NEBL: variants seen among roughly 807,000 people sequenced by gnomAD.
NEBL encodes the protein LIM and SH3 protein 2.
In NEBL, 122 loss-of-function variants were observed where a neutral mutation model predicts 140.2. The observed-to-expected ratio is 0.87, with a 90% confidence interval of 0.75 to 1.01. NEBL has a LOEUF of 1.01. NEBL is among the 50% of genes least tolerant of loss of function. The pLI, the probability that NEBL is intolerant of heterozygous loss-of-function variation, is 0.00. For synonymous variants in NEBL, 436 were observed against 398.9 expected (o/e 1.09, Z -1.11); for missense variants, 1,365 against 1,231.3 (o/e 1.11, Z -1.62).
chr10:21,028,250 A>AC (rs1235069660), intron 2 of NEBL, among the ~76,000 whole-genome samples: 33 of 147,048 alleles, frequency 2.2e-4, no homozygotes, highest in African/African-American at 8.0e-4. Context: ...AAAAAAAAAA[A>AC]AAAAAAGAAG....
upstream of NEBL, among the ~76,000 whole-genome samples, chr10:20,900,421 T>C (rs1315069894): frequency 6.6e-6 from 1 of 152,208 alleles, no homozygotes; most frequent in African/African-American, 2.4e-5. Context: ...GGCACACGCC[T>C]GTAATCCCAG....
At chr10:21,280,618 C>CATT (rs1430742355) in intron 1 of NEBL, among the ~76,000 whole-genome samples, 1 of 85,488 alleles carries the variant, frequency 1.2e-5, no homozygotes, top group African/African-American at 5.7e-5. Context: ...TTTTCTTTTT[C>CATT]CTTTTTTTTT....
intron 22 of NEBL, 93 bp downstream of exon 22, chr10:20,815,532 A>T: frequency 9.5e-7 from 1 of 1,049,600 alleles, no homozygotes; most frequent in Non-Finnish European, 1.5e-6. Flanking sequence ...GTTTCTTGAA[A>T]ATAAGTTTTA....
intron 2 of NEBL, among the ~76,000 whole-genome samples, chr10:21,248,846 T>C (rs7083740): frequency 6.6e-6 from 1 of 152,094 alleles, no homozygotes; most frequent in Non-Finnish European, 1.5e-5. Flanking sequence ...GTTTTGTTTT[T>C]TTTTTTGACA....
At chr10:21,284,769 G>A (rs901885822) in intron 1 of NEBL, among the ~76,000 whole-genome samples, 1 of 152,080 alleles carries the variant, frequency 6.6e-6, no homozygotes, top group African/African-American at 2.4e-5. Context: ...CTCAAAGCTG[G>A]ACTAATAAAG....
At chr10:20,861,220 C>T (rs1038806565) in intron 7 of NEBL, among the ~76,000 whole-genome samples, 2 of 152,170 alleles carry the variant, frequency 1.3e-5, no homozygotes, top group Non-Finnish European at 2.9e-5. Context: ...CTCTATCACC[C>T]AGGCTGGAGT....
intron 3 of NEBL, among the ~76,000 whole-genome samples, chr10:20,990,578 G>A (rs1211821051): frequency 6.6e-6 from 1 of 152,126 alleles, no homozygotes; most frequent in African/African-American, 2.4e-5. Context: ...GAGAAATAAA[G>A]GTCTGTTGTT....
At chr10:21,269,364 A>C (rs1842834326) in intron 1 of NEBL, among the ~76,000 whole-genome samples, 1 of 152,238 alleles carries the variant, frequency 6.6e-6, no homozygotes. Flanking sequence ...AGAGAGATGA[A>C]GGCAGATTCG....
At chr10:20,876,729 A>G (rs1254511246) in intron 5 of NEBL, among the ~76,000 whole-genome samples, 13 of 152,204 alleles carry the variant, frequency 8.5e-5, no homozygotes, top group Admixed American at 8.5e-4. Context: ...AAAACTTAAA[A>G]TAGAGTTTAA....
intron 26 of NEBL, among the ~76,000 whole-genome samples, chr10:20,805,632 C>T (rs1837543113): frequency 6.6e-6 from 1 of 152,044 alleles, no homozygotes; most frequent in Admixed American, 6.6e-5. Flanking sequence ...GCAAGTGGAG[C>T]ACTTGAGATC....
intron 2 of NEBL, among the ~76,000 whole-genome samples, chr10:21,140,165 T>C (rs573462084): frequency 3.3e-5 from 5 of 152,012 alleles, no homozygotes; most frequent in African/African-American, 9.6e-5. Flanking sequence ...TGTCTCAAAA[T>C]AAATGTAAAA....
intron 3 of NEBL, among the ~76,000 whole-genome samples, chr10:21,239,348 G>A (rs1175177613): frequency 3.9e-5 from 6 of 151,976 alleles, no homozygotes; most frequent in African/African-American, 7.3e-5. Context: ...AGAAATAGTC[G>A]TTTGAAGAGA....
intron 3 of NEBL, among the ~76,000 whole-genome samples, chr10:21,241,820 G>T (rs942247805): frequency 6.6e-5 from 10 of 152,212 alleles, no homozygotes; most frequent in Non-Finnish European, 1.3e-4. Context: ...GTGACACTTT[G>T]TAAAGTCATC....
At chr10:21,285,060 C>T (rs561623356) in intron 1 of NEBL, among the ~76,000 whole-genome samples, 1 of 152,256 alleles carries the variant, frequency 6.6e-6, no homozygotes, top group Admixed American at 6.5e-5. Flanking sequence ...AATCCCACCT[C>T]TATAAAATAA....
At chr10:20,832,535 T>A (rs1431448575) in intron 14 of NEBL, among the ~76,000 whole-genome samples, 1 of 152,200 alleles carries the variant, frequency 6.6e-6, no homozygotes, top group Non-Finnish European at 1.5e-5. Context: ...GAAAACTGAT[T>A]ATAAAATTCA....
chr10:20,802,103 C>T (rs1837181027), intron 26 of NEBL, among the ~76,000 whole-genome samples: 1 of 152,136 alleles, frequency 6.6e-6, no homozygotes, highest in African/African-American at 2.4e-5. Flanking sequence ...AATACAAGTT[C>T]AAATCAAGGC....
At chr10:21,135,579 GA>G (rs1034123350) in intron 2 of NEBL, among the ~76,000 whole-genome samples, 2 of 152,168 alleles carry the variant, frequency 1.3e-5, no homozygotes, top group African/African-American at 4.8e-5. Flanking sequence ...AAACTAAACT[GA>G]AAAGCGCTTT....
Position 21,227,705 on chromosome 10 carries a change from TTCTTCTTTCTTCTTCTTC to T in NEBL, n.348+20198_348+20215del, listed in dbSNP as rs1173058780. The stretch of plus-strand genomic sequence containing the variant: ...CTTCTTCTTCTTCTTCTTCTTCTTC[TTCTTCTTTCTTCTTCTTC>T]TTCTTCTTCTTCTTCTTCTTCTTCT... On this transcript the variant is annotated intron_variant and non_coding_transcript_variant, in intron 3 of 8. Transcript: ENST00000675702. Among the ~76,000 whole-genome samples the T allele has an allele frequency of 3.7e-3, 268 of 72,352 alleles. 1 individual carries two copies. Among genetic ancestry groups the T allele is most frequent in the African/African-American group, 8.7e-3 (125 of 14,324 alleles). 47.5% of individuals were successfully genotyped at this position (72,352 alleles called of 152,430 possible).
intron 17 of NEBL, 92 bp downstream of exon 17, chr10:20,828,438 C>G: frequency 1.3e-6 from 1 of 797,512 alleles, no homozygotes; most frequent in Non-Finnish European, 2.2e-6. Context: ...TCAACTAAGA[C>G]AGCAGAAAAC....
Sources: allele counts gnomAD v4.1 joint callset (sites outside exome capture counted in the v4.1 genomes callset), GRCh38; gene constraint gnomAD v4.1.1; transcripts MANE v1.5; gene names NCBI Gene and HGNC (gene_info 2026-07-23, HGNC 2026-07-21).